WWP2: variants seen among roughly 807,000 people sequenced by gnomAD.
WWP2 encodes WW domain containing E3 ubiquitin protein ligase 2, also known as NEDD4-like E3 ubiquitin-protein ligase WWP2.
Under a neutral mutation model 121.0 loss-of-function variants are expected in WWP2, and 57 were observed. That is an observed-to-expected ratio of 0.47 (90% confidence interval 0.38 to 0.59). The LOEUF (loss-of-function observed/expected upper bound fraction) is 0.59, where lower values mean the gene tolerates loss of function less well. WWP2 is among the 20% of genes least tolerant of loss of function. The pLI is 0.00. For missense variants in WWP2, 962 were observed against 1,158.9 expected (o/e 0.83, Z 2.47); for synonymous variants, 449 against 441.3 (o/e 1.02, Z -0.22).
intron 6 of WWP2, among the ~76,000 whole-genome samples, chr16:69,865,265 G>T (rs1038821655): frequency 9.2e-5 from 14 of 151,724 alleles, no homozygotes; most frequent in Non-Finnish European, 1.6e-4. Context: ...GCCCAGGCTG[G>T]TCTCGAACTC....
intron 6 of WWP2, among the ~76,000 whole-genome samples, chr16:69,856,156 A>G (rs1253433036): frequency 6.6e-6 from 1 of 152,206 alleles, no homozygotes; most frequent in Non-Finnish European, 1.5e-5. Flanking sequence ...GTAACTTAAC[A>G]ACGTGAATGA....
At chr16:69,863,528 A>G (rs2057463859) in intron 6 of WWP2, among the ~76,000 whole-genome samples, 1 of 152,090 alleles carries the variant, frequency 6.6e-6, no homozygotes, top group Non-Finnish European at 1.5e-5. Flanking sequence ...AATCCCAGCT[A>G]CAAGGGAGGC....
At chr16:69,801,065 TG>T (rs2056154073) in intron 4 of WWP2, among the ~76,000 whole-genome samples, 1 of 147,594 alleles carries the variant, frequency 6.8e-6, no homozygotes, top group Non-Finnish European at 1.5e-5. Flanking sequence ...GGTGGGCGCC[TG>T]TAATCCCGGC....
At chr16:69,927,546 C>T (rs1398734415) in intron 11 of WWP2, among the ~76,000 whole-genome samples, 1 of 152,264 alleles carries the variant, frequency 6.6e-6, no homozygotes, top group Non-Finnish European at 1.5e-5. Context: ...GGCAGCCAGC[C>T]GGCCTTGGGA....
At position 69,888,181 on chromosome 16, in the gene WWP2, G is replaced by A; in HGVS notation, c.846G>A (p.Glu282=). 1.2e-6 allele frequency: 2 copies of A among 1,614,160 alleles called. No individual in the cohort carries two copies. Among genetic ancestry groups the A allele is most frequent in the South Asian group, 2.2e-5 (2 of 91,088 alleles). The change falls in exon 8 of 24, where the codon GAG becomes GAA. Residue 282 remains glutamate, a synonymous_variant. Transcript: ENST00000359154. The part of the protein sequence containing the change: ...LPAPATPAEG[E]EPSTSGTQQL... ...CCCCAGCCACACCGGCTGAAGGAGA[G>A]GAACCCAGCACTTCGGGTACACAGC...
chr16:69,853,747 A>C (rs1421080317), intron 6 of WWP2, among the ~76,000 whole-genome samples: 1 of 152,216 alleles, frequency 6.6e-6, no homozygotes, highest in East Asian at 1.9e-4. Context: ...GTAATTAAGC[A>C]GGACTGCATG....
At chr16:69,771,438 G>C (rs1298600612) in intron 1 of WWP2, among the ~76,000 whole-genome samples, 2 of 152,076 alleles carry the variant, frequency 1.3e-5, no homozygotes, top group Non-Finnish European at 2.9e-5. Flanking sequence ...GTAGAGACGG[G>C]GTTTCCCCAT....
Position 69,798,706 on chromosome 16 carries a change from A to G in WWP2, c.95A>G (p.His32Arg). ...GTGGTGTCCGCAAAGCCCAAGGTGCATAATCGTCAACCTCGAATTAACTCC... is the reference window on the plus strand; with the variant it reads ...GTGGTGTCCGCAAAGCCCAAGGTGCGTAATCGTCAACCTCGAATTAACTCC... ...LKVVSAKPKV[H>R]NRQPRINSYV... The change falls in exon 3 of 24, where the codon CAT (histidine) becomes CGT (arginine). Residue 32 changes from histidine to arginine, a missense_variant. His to Arg is a conservative substitution (Grantham distance 29). This residue lies in a region of WWP2 where 145 missense variants were observed against 189.8 expected (regional missense o/e 0.76). Coordinates refer to ENST00000359154, the MANE Select transcript of WWP2 (RefSeq NM_001270454.2). The G allele has an allele frequency of 6.2e-7, 1 of 1,614,036 alleles. No homozygotes were observed. The highest frequency in any genetic ancestry group is 8.5e-7 in the Non-Finnish European group (1 of 1,179,994).
chr16:69,889,359 TG>T (rs2057985037), intron 8 of WWP2, among the ~76,000 whole-genome samples: 4 of 152,112 alleles, frequency 2.6e-5, no homozygotes, highest in Non-Finnish European at 5.9e-5. Flanking sequence ...GCAAAGACCT[TG>T]GATGATAAGA....
rs745507601 is a variant in WWP2 at position 69,934,124 on chromosome 16, G to A, written c.1837G>A (p.Ala613Thr). ...TYFRFIGRFI[A>T]MALYHGKFID... The stretch of plus-strand genomic sequence containing the variant: ...CTTTCGCTTTATAGGCAGATTCATC[G>A]CCATGGTAAGGGGGCCCCAGGGGTC... Residue 613 changes from alanine (A) to threonine (T), a missense_variant, in exon 17 of 24, where the codon GCC becomes ACC. Ala to Thr is a moderately conservative substitution (Grantham distance 58). This residue lies in a region of WWP2 where 606 missense variants were observed against 772.6 expected (regional missense o/e 0.78). Coordinates refer to ENST00000359154, the MANE Select transcript of WWP2 (RefSeq NM_001270454.2). 4.3e-6 allele frequency: 7 copies of A among 1,613,942 alleles called. No homozygotes were observed. The highest frequency in any genetic ancestry group is 1.3e-5 in the African/African-American group (1 of 74,898).
rs762402210 is a variant in WWP2, at chr16:69,853,631, CAG to C, written c.575+11512_575+11513del. On this transcript the variant is annotated intron_variant, in intron 6 of 23. Coordinates refer to ENST00000359154, the MANE Select transcript of WWP2 (RefSeq NM_001270454.2). ...GATACAGTGGGGCTGAGACCAGACT[CAG>C]GGACTGACGAAGAGGACTGTTGCAG... Among the ~76,000 whole-genome samples the C allele has an allele frequency of 1.1e-3, 163 of 152,226 alleles. 2 individuals are homozygous for C. Among genetic ancestry groups the C allele is most frequent in the Non-Finnish European group, 2.4e-4 (16 of 68,012 alleles).
At chr16:69,933,161 G>A (rs772662673) in intron 16 of WWP2, 3 of 498,712 alleles carry the variant, frequency 6.0e-6, no homozygotes, top group Admixed American at 2.2e-5. Context: ...GTAGAACCAC[G>A]GACAGGATAC....
intron 7 of WWP2, among the ~76,000 whole-genome samples, chr16:69,887,402 CTT>C (rs796090205): frequency 2.7e-5 from 4 of 147,500 alleles, no homozygotes; most frequent in African/African-American, 7.4e-5. Flanking sequence ...AGCCCCAACA[CTT>C]TTTTTTTTTG....
At chr16:69,896,981 T>C (rs1255740560) in intron 8 of WWP2, among the ~76,000 whole-genome samples, 1 of 152,166 alleles carries the variant, frequency 6.6e-6, no homozygotes, top group African/African-American at 2.4e-5. Context: ...AATCCATTCG[T>C]TTTTATTGTA....
At chr16:69,865,027 G>A (rs2057494886) in intron 6 of WWP2, among the ~76,000 whole-genome samples, 2 of 152,006 alleles carry the variant, frequency 1.3e-5, no homozygotes, top group African/African-American at 4.8e-5. Context: ...TTTTCCCTCT[G>A]TAGATCTTCT....
intron 10 of WWP2, among the ~76,000 whole-genome samples, chr16:69,922,533 T>C (rs895094365): frequency 6.6e-6 from 1 of 152,208 alleles, no homozygotes; most frequent in Non-Finnish European, 1.5e-5. Context: ...ATCTCCCTTC[T>C]GGCTGCAGAG....
At chr16:69,783,775 G>C (rs1308708584) in intron 1 of WWP2, among the ~76,000 whole-genome samples, 1 of 104,284 alleles carries the variant, frequency 9.6e-6, no homozygotes, top group African/African-American at 4.2e-5. Context: ...GTGAGACCTT[G>C]TTTCTACAAC....
intron 1 of WWP2, among the ~76,000 whole-genome samples, chr16:69,785,125 C>G (rs2055755762): frequency 6.6e-6 from 1 of 151,134 alleles, no homozygotes. Flanking sequence ...TCCAGCTACC[C>G]ATGAGGCTGA....
At chr16:69,916,637 C>G (rs113443102) in intron 9 of WWP2, among the ~76,000 whole-genome samples, 1 of 152,012 alleles carries the variant, frequency 6.6e-6, no homozygotes, top group African/African-American at 2.4e-5. Flanking sequence ...TTGATAGCAG[C>G]GGGAATGATG....
Sources: allele counts gnomAD v4.1 joint callset (sites outside exome capture counted in the v4.1 genomes callset), GRCh38; gene constraint gnomAD v4.1.1; regional missense constraint gnomAD v4.1.1; transcripts MANE v1.5; gene names NCBI Gene and HGNC (gene_info 2026-07-23, HGNC 2026-07-21).